F5: variants seen among roughly 807,000 people sequenced by gnomAD.
The protein encoded by F5 is activated protein c cofactor.
F5 carries 138 observed loss-of-function variants against 216.4 expected under a neutral mutation model. That is an observed-to-expected ratio of 0.64 (90% CI 0.56 to 0.73). The LOEUF is 0.73. Among genes scored for constraint, F5 ranks in the 30% least tolerant of loss-of-function variants. The pLI is 0.00. For missense variants in F5, 2,403 were observed against 2,674.0 expected, an observed-to-expected ratio of 0.90 and a Z score of 2.24; for synonymous variants, 916 against 930.7, an observed-to-expected ratio of 0.98 and a Z score of 0.29.
At position 169,529,820 on chromosome 1, in the gene F5, T is replaced by C. The variant is rs1410859141; in HGVS notation, c.5209-2A>G. ...CAAGCCTGAGTGAATATCTTTTTCC[T>C]GGAAAAACAGAGTAAATTGTATTGC... On this transcript the variant is annotated splice_acceptor_variant, in intron 15 of 24. Transcript: ENST00000367797. LOFTEE classifies it high-confidence loss of function. The C allele has an allele frequency of 1.2e-6, 2 of 1,612,008 alleles. No homozygotes were observed. Among genetic ancestry groups the C allele is most frequent in the Non-Finnish European group, 1.7e-6 (2 of 1,178,432 alleles).
In F5 at chr1:169,536,669, A is replaced by C. The variant is rs749567417; in HGVS notation, c.4808T>G (p.Ile1603Ser). ...YSEFVQRETDIEDSDDIPEDT... is the reference protein window; with the variant it reads ...YSEFVQRETDSEDSDDIPEDT... ...TTCTGGAATATCATCAGAGTCTTCA[A>C]TATCTGTTTCCCTGAAATAATAATA... The change falls in exon 14 of 25, where the codon ATT (isoleucine) becomes AGT (serine). Residue 1603 changes from isoleucine to serine, a missense_variant. Physicochemically the swap from Ile to Ser is moderately radical, Grantham distance 142. Transcript: ENST00000367797. 1 of 1,610,202 alleles carries C rather than the reference A, an allele frequency of 6.2e-7. No homozygotes were observed. Among genetic ancestry groups the C allele is most frequent in the Non-Finnish European group, 8.5e-7 (1 of 1,176,544 alleles).
chr1:169,520,512 T>C lies in F5; in HGVS notation c.6193+8A>G. The C allele has an allele frequency of 6.2e-7, 1 of 1,613,968 alleles. No homozygotes were observed. On this transcript the variant is annotated splice_region_variant and intron_variant, in intron 22 of 24. Transcript: ENST00000367797. ...GCAGTGAGAAAATAATGCATCTTTG[T>C]ACCTTACCATTTACCTCACAACCTT...
At chr1:169,546,143 T>G (rs1894694) in intron 11 of F5, among the ~76,000 whole-genome samples, 1 of 151,574 alleles carries the variant, frequency 6.6e-6, no homozygotes, top group Non-Finnish European at 1.5e-5. Flanking sequence ...AGTCCTACTC[T>G]CTCACCCTTT....
intron 14 of F5, among the ~76,000 whole-genome samples, chr1:169,534,259 G>A (rs772329388): frequency 9.2e-5 from 14 of 152,258 alleles, no homozygotes; most frequent in South Asian, 8.3e-4. Context: ...CAAAGCTCCC[G>A]GCTGAATAAA....
At chr1:169,552,983 C>A (rs1203609656) in intron 7 of F5, among the ~76,000 whole-genome samples, 1 of 152,158 alleles carries the variant, frequency 6.6e-6, no homozygotes, top group African/African-American at 2.4e-5. Flanking sequence ...CTTAGATCTT[C>A]CTGTCATTCT....
At chr1:169,550,560 C>A in intron 9 of F5, 80 bp downstream of exon 9, 1 of 1,056,130 alleles carries the variant, frequency 9.5e-7, no homozygotes, top group Non-Finnish European at 1.5e-6. Context: ...GTGACACCAC[C>A]GGGCAAGGAG....
chr1:169,537,967 C>T (rs1469661423), intron 13 of F5, among the ~76,000 whole-genome samples: 2 of 152,006 alleles, frequency 1.3e-5, no homozygotes, highest in Non-Finnish European at 2.9e-5. Flanking sequence ...CCATCAATCC[C>T]ACTTTTGGGT....
chr1:169,551,913 TAG>T (rs550385605), intron 8 of F5, among the ~76,000 whole-genome samples: 141 of 152,358 alleles, frequency 9.3e-4, no homozygotes, highest in South Asian at 6.2e-3. Flanking sequence ...GTCCAACCAT[TAG>T]AGAGCTGCAT....
intron 2 of F5, among the ~76,000 whole-genome samples, chr1:169,580,939 C>T (rs77014538): frequency 0.023 from 3,548 of 152,210 alleles, 142 homozygotes; most frequent in African/African-American, 0.082. Flanking sequence ...AATTGATCCT[C>T]TTAATATCTT....
intron 7 of F5, 23 bp downstream of exon 7, chr1:169,555,159 T>A (rs1660283599): frequency 1.2e-6 from 2 of 1,613,780 alleles, no homozygotes; most frequent in Admixed American, 1.7e-5. Flanking sequence ...CTTTGCCCAG[T>A]GGTATGAACC....
At chr1:169,522,669 A>G (rs1659337650) in intron 21 of F5, among the ~76,000 whole-genome samples, 1 of 152,200 alleles carries the variant, frequency 6.6e-6, no homozygotes, top group African/African-American at 2.4e-5. Context: ...GGAGGAGAAG[A>G]GTTAGGGCTT....
Position 169,540,718 on chromosome 1 carries a change from G to A in F5, c.4372C>T (p.Pro1458Ser). 1 of 1,614,074 alleles carries A rather than the reference G, an allele frequency of 6.2e-7. No homozygotes were observed. Among genetic ancestry groups the A allele is most frequent in the Non-Finnish European group, 8.5e-7 (1 of 1,179,984 alleles). ...LPDLSQISPP[P>S]DLDQIFYPSE... ...GGGTAGAATATCTGATCAAGGTCTG[G>A]AGGAGGTGATATCTGGCTGAGATCC... The change falls in exon 13 of 25, where the codon CCA becomes TCA. Residue 1458 changes from proline (P) to serine (S), a missense_variant. Physicochemically the swap from Pro to Ser is moderately conservative, Grantham distance 74. This residue lies in a region of F5 where 293 missense variants were observed against 270.8 expected (regional missense o/e 1.08). Coordinates refer to ENST00000367797, the MANE Select transcript of F5 (RefSeq NM_000130.5).
At chr1:169,539,442 C>T (rs1442057442) in intron 13 of F5, among the ~76,000 whole-genome samples, 1 of 150,270 alleles carries the variant, frequency 6.7e-6, no homozygotes, top group Non-Finnish European at 1.5e-5. Context: ...CCCTCGGGGC[C>T]TTGCTTAGAA....
intron 3 of F5, 138 bp downstream of exon 3, chr1:169,572,083 C>T: frequency 1.0e-6 from 1 of 978,368 alleles, no homozygotes; most frequent in Non-Finnish European, 1.5e-6. Context: ...AAACTTACAA[C>T]AGCAACAATT....
chr1:169,540,434 A>G lies in F5; in HGVS notation c.4656T>C (p.Thr1552=). The change falls in exon 13 of 25, where the codon ACT becomes ACC. Residue 1552 remains threonine, a synonymous_variant. Transcript: ENST00000367797. The stretch of plus-strand genomic sequence containing the variant: ...AGGAGTTGATGTTTGTCCTAACATC[A>G]GTTTTGTAGGGGTCATCATAGGGCA... ...DYVPYDDPYK[T]DVRTNINSSR... 1 of 1,613,992 alleles carries G rather than the reference A, an allele frequency of 6.2e-7. No homozygotes were observed. The highest frequency in any genetic ancestry group is 8.5e-7 in the Non-Finnish European group (1 of 1,179,950).
At chr1:169,558,278 A>G (rs1327974597) in intron 5 of F5, among the ~76,000 whole-genome samples, 2 of 152,178 alleles carry the variant, frequency 1.3e-5, no homozygotes, top group Non-Finnish European at 2.9e-5. Context: ...AGCTCCTAGT[A>G]TTGGAACTTG....
intron 3 of F5, among the ~76,000 whole-genome samples, chr1:169,561,920 CTTTCTTTTCTTTTTCCTTTCCTAG>C (rs1660494973): frequency 6.6e-6 from 1 of 151,854 alleles, no homozygotes; most frequent in Non-Finnish European, 1.5e-5. Flanking sequence ...TTTCTCTTCC[CTTTCTTTTCTTTTTCCTTTCCTAG>C]TTTCTTTTCT....
Position 169,512,749 on chromosome 1 carries a change from C to T in F5, c.*1564G>A, listed in dbSNP as rs1026888280. On this transcript the variant is annotated 3_prime_UTR_variant, in exon 25 of 25. Transcript: ENST00000367797. ...GCCAATGTTTTGTGGATGTTTGAAA[C>T]TCTCATATACATTCATAGGGCTTAC... Among the ~76,000 whole-genome samples the T allele has an allele frequency of 6.6e-6, 1 of 152,080 alleles. No individual in the cohort carries two copies. Among genetic ancestry groups the T allele is most frequent in the African/African-American group, 2.4e-5 (1 of 41,438 alleles).
rs1275192970 is a variant in F5, at chr1:169,560,796, G to T, written c.374-30C>A. 12 of 1,605,022 alleles carry T rather than the reference G, an allele frequency of 7.5e-6. No individual in the cohort carries two copies. The South Asian group carries it at 9.9e-5, about 13-fold the overall frequency. ...AGGAGTAACAGCCATCAAGACATGT[G>T]GGCAGTTTCTGAGGATTGCGTTTTC... On this transcript the variant is annotated intron_variant, in intron 3 of 24. Coordinates refer to ENST00000367797, the MANE Select transcript of F5 (RefSeq NM_000130.5).
Sources: gnomAD v4.1 joint callset for allele counts (sites outside exome capture counted in the v4.1 genomes callset) on GRCh38, gnomAD v4.1.1 for gene constraint, gnomAD v4.1.1 regional missense constraint, MANE v1.5 for transcripts, NCBI Gene and HGNC (gene_info 2026-07-23, HGNC 2026-07-21) for gene names.